The following COMMD1 variants were observed in gnomAD, a reference collection of about 807,000 sequenced individuals.
The protein encoded by COMMD1 is copper metabolism domain containing 1, also known as COMM domain-containing protein 1.
In COMMD1, 10 loss-of-function variants were observed where a neutral mutation model predicts 17.2. The ratio of observed to expected loss-of-function variants is 0.58; its 90% confidence interval spans 0.36 to 0.99. COMMD1 has a LOEUF of 0.99. Among genes scored for constraint, COMMD1 ranks in the 50% least tolerant of loss-of-function variants. The pLI, the probability that COMMD1 is intolerant of heterozygous loss-of-function variation, is 0.01. For missense variants in COMMD1, 270 were observed against 231.8 expected (o/e 1.17, Z -1.07); for synonymous variants, 97 against 91.6 (o/e 1.06, Z -0.34).
intron 2 of COMMD1, among the ~76,000 whole-genome samples, chr2:62,034,714 G>A (rs1192272392): frequency 1.3e-5 from 2 of 152,120 alleles, no homozygotes; most frequent in African/African-American, 2.4e-5. Flanking sequence ...GTCACTATGT[G>A]TATGGATGAC....
chr2:62,031,968 T>C (rs1410165986), intron 2 of COMMD1, among the ~76,000 whole-genome samples: 2 of 152,234 alleles, frequency 1.3e-5, no homozygotes, highest in Non-Finnish European at 2.9e-5. Context: ...AATGCTCTTT[T>C]CTGCTACATT....
At chr2:62,117,264 C>T (rs1215268643) in intron 2 of COMMD1, among the ~76,000 whole-genome samples, 1 of 152,168 alleles carries the variant, frequency 6.6e-6, no homozygotes, top group African/African-American at 2.4e-5. Flanking sequence ...AGAAATCTAC[C>T]AAAATGTATG....
upstream of COMMD1, among the ~76,000 whole-genome samples, chr2:61,904,861 C>T (rs1167325514): frequency 2.0e-5 from 3 of 152,226 alleles, no homozygotes; most frequent in East Asian, 5.8e-4. Context: ...TCTCCAGATT[C>T]TGCCAACTAT....
chr2:61,984,750 G>T (rs1476201859), intron 1 of COMMD1, among the ~76,000 whole-genome samples: 1 of 152,162 alleles, frequency 6.6e-6, no homozygotes, highest in East Asian at 1.9e-4. Flanking sequence ...ACTGAAAATG[G>T]GATGTTGAAG....
At chr2:62,057,611 A>G (rs1670743966) in intron 2 of COMMD1, among the ~76,000 whole-genome samples, 1 of 152,030 alleles carries the variant, frequency 6.6e-6, no homozygotes. Flanking sequence ...GTTTTTTTAG[A>G]GATAGAGTCT....
chr2:61,926,310 A>G (rs1166635357), intron 1 of COMMD1, among the ~76,000 whole-genome samples: 2 of 152,142 alleles, frequency 1.3e-5, no homozygotes, highest in Non-Finnish European at 1.5e-5. Context: ...ATTTGCGTAA[A>G]TAGTGTACAA....
In COMMD1 at chr2:62,059,081, A is replaced by G. The variant is rs536877900; in HGVS notation, c.462+58099A>G. Among the ~76,000 whole-genome samples the G allele has an allele frequency of 6.6e-5, 10 of 152,228 alleles. No individual in the cohort carries two copies. In the South Asian group the frequency reaches 1.0e-3, roughly 16 times the overall value. ...GCGTGAGCCACCGCACCTGGCCACA[A>G]ATTTTCTTCTTAAGGTTGAAGCTTT... On this transcript the variant is annotated intron_variant, in intron 2 of 2. Coordinates refer to ENST00000311832, the MANE Select transcript of COMMD1 (RefSeq NM_152516.4).
At chr2:62,033,422 C>G (rs1669962034) in intron 2 of COMMD1, among the ~76,000 whole-genome samples, 1 of 152,062 alleles carries the variant, frequency 6.6e-6, no homozygotes, top group Non-Finnish European at 1.5e-5. Context: ...TTAGGATAGC[C>G]TTGGGAGAGA....
chr2:61,970,324 T>TA (rs140762187), intron 1 of COMMD1, among the ~76,000 whole-genome samples: 9,414 of 151,970 alleles, frequency 0.062, 423 homozygotes, highest in Non-Finnish European at 0.091. Flanking sequence ...TTCTGCATTT[T>TA]AAAAAATTAT....
At chr2:61,996,473 T>A (rs1668758681) in intron 1 of COMMD1, among the ~76,000 whole-genome samples, 1 of 152,088 alleles carries the variant, frequency 6.6e-6, no homozygotes, top group African/African-American at 2.4e-5. Flanking sequence ...ATGAGATTGT[T>A]GCATCCGTGG....
chr2:61,939,066 A>G (rs1239043652), intron 1 of COMMD1, among the ~76,000 whole-genome samples: 1 of 152,100 alleles, frequency 6.6e-6, no homozygotes, highest in Non-Finnish European at 1.5e-5. Context: ...TTCCTTTTCT[A>G]TTAAAGAGAA....
chr2:61,959,726 G>T lies in COMMD1; in HGVS notation c.181-40975G>T, dbSNP rs1671289084. On this transcript the variant is annotated intron_variant, in intron 1 of 2. Coordinates refer to ENST00000311832, the MANE Select transcript of COMMD1 (RefSeq NM_152516.4). ...TTATGTTGGGAATGAAGTTTTTGGT[G>T]TTGCAAAAAAAGAATTAACGCCGTG... 2.0e-5 allele frequency among the ~76,000 whole-genome samples: 3 copies of T among 152,172 alleles called. No homozygotes were observed. In the South Asian group the frequency reaches 6.2e-4, roughly 32 times the overall value.
intron 2 of COMMD1, among the ~76,000 whole-genome samples, chr2:62,096,349 C>T (rs546151750): frequency 6.6e-6 from 1 of 152,330 alleles, no homozygotes; most frequent in Non-Finnish European, 1.5e-5. Context: ...CTGAATTTCA[C>T]TACATTTTAG....
At chr2:62,009,820 C>A (rs963644294) in intron 2 of COMMD1, among the ~76,000 whole-genome samples, 1 of 151,868 alleles carries the variant, frequency 6.6e-6, no homozygotes, top group African/African-American at 2.4e-5. Flanking sequence ...CTAAGAAAAA[C>A]CCCTTTTAAA....
chr2:62,090,293 C>T (rs1671791182), intron 2 of COMMD1, among the ~76,000 whole-genome samples: 2 of 152,118 alleles, frequency 1.3e-5, no homozygotes, highest in South Asian at 2.1e-4. Context: ...ACCTGACCAG[C>T]CAAAAAAACC....
intron 1 of COMMD1, among the ~76,000 whole-genome samples, chr2:61,942,032 T>G (rs1670762150): frequency 6.6e-6 from 1 of 152,228 alleles, no homozygotes; most frequent in Non-Finnish European, 1.5e-5. Context: ...TTCCTTTATT[T>G]TAAAGTGATG....
chr2:61,894,599 TA>T (rs2105156827), intron 1 of COMMD1, among the ~76,000 whole-genome samples: 1 of 151,768 alleles, frequency 6.6e-6, no homozygotes, highest in African/African-American at 2.4e-5. Context: ...AATCAAAATA[TA>T]CTTAATGAAA....
chr2:62,097,058 G>A (rs955505416), intron 2 of COMMD1, among the ~76,000 whole-genome samples: 2 of 152,206 alleles, frequency 1.3e-5, no homozygotes, highest in Non-Finnish European at 2.9e-5. Flanking sequence ...ACTGAAGAAT[G>A]CACTACATAA....
At chr2:62,098,743 C>A (rs1394930656) in intron 2 of COMMD1, among the ~76,000 whole-genome samples, 2 of 152,312 alleles carry the variant, frequency 1.3e-5, no homozygotes, top group East Asian at 3.9e-4. Context: ...GAGGCGATTG[C>A]AGAGCTCTCC....
Sources: allele counts gnomAD v4.1 joint callset (sites outside exome capture counted in the v4.1 genomes callset), GRCh38; gene constraint gnomAD v4.1.1; transcripts MANE v1.5; gene names NCBI Gene and HGNC (gene_info 2026-07-23, HGNC 2026-07-21).